Variants in KCNAB2 observed in about 807,000 individuals in gnomAD.
The protein encoded by KCNAB2 is potassium voltage-gated channel subfamily A regulatory beta subunit 2.
A neutral mutation model predicts 63.6 loss-of-function variants in KCNAB2; 29 were observed. The ratio of observed to expected loss-of-function variants is 0.46; its 90% CI spans 0.34 to 0.62. KCNAB2 has a LOEUF of 0.62. KCNAB2 is among the 20% of genes least tolerant of loss of function. The pLI, the probability that KCNAB2 is intolerant of heterozygous loss-of-function variation, is 0.01. For missense variants in KCNAB2, 359 were observed against 563.9 expected, an observed-to-expected ratio of 0.64 and a Z score of 3.68; for synonymous variants, 222 against 224.2, an observed-to-expected ratio of 0.99 and a Z score of 0.09.
intron 1 of KCNAB2, among the ~76,000 whole-genome samples, chr1:6,017,559 C>A (rs112541257): frequency 6.6e-6 from 1 of 151,896 alleles, no homozygotes; most frequent in African/African-American, 2.4e-5. Context: ...TTTGGGAGGC[C>A]GAGGCAGGCA....
chr1:6,075,991 A>G (rs1465808222), intron 4 of KCNAB2, among the ~76,000 whole-genome samples: 4 of 152,248 alleles, frequency 2.6e-5, no homozygotes, highest in Non-Finnish European at 5.9e-5. Context: ...TCATTTACAC[A>G]TAGTGGCTGC....
chr1:6,040,109 G>C (rs1331649458), intron 1 of KCNAB2, among the ~76,000 whole-genome samples: 2 of 152,150 alleles, frequency 1.3e-5, no homozygotes, highest in East Asian at 1.9e-4. Flanking sequence ...CGATGACCCT[G>C]GGGGACAGCA....
At chr1:6,041,716 G>A (rs1477364901), upstream of KCNAB2, 11 of 887,542 alleles carry the variant, frequency 1.2e-5, no homozygotes, top group Admixed American at 3.7e-5. Context: ...GGGCCCGGGG[G>A]CATGGGACAT....
In KCNAB2 at chr1:6,099,108, C is replaced by T. The variant is rs1250967912; in HGVS notation, c.*534C>T. ...CCACTGGGGGTCTTCCTCCACCTCC[C>T]ACTTTCCAAGGGCTCCAGGAATCTG... On this transcript the variant is annotated 3_prime_UTR_variant, in exon 16 of 16. Coordinates refer to ENST00000378083, the MANE Select transcript of KCNAB2 (RefSeq NM_001199862.2). The T allele has an allele frequency of 6.5e-6, 1 of 153,192 alleles. No homozygotes were observed. The highest frequency in any genetic ancestry group is 1.5e-5 in the Non-Finnish European group (1 of 68,818). 9.5% of individuals were successfully genotyped at this position (153,192 alleles called of 1,614,324 possible).
upstream of KCNAB2, chr1:6,041,459 C>T (rs1660491560): frequency 3.9e-6 from 1 of 257,516 alleles, no homozygotes; most frequent in Non-Finnish European, 7.6e-6. Context: ...CTCTGCACGT[C>T]TGGGTTGGAG....
chr1:6,046,224 C>T (rs1411629679), intron 1 of KCNAB2, 41 bp downstream of exon 1: 4 of 983,274 alleles, frequency 4.1e-6, no homozygotes, highest in Middle Eastern at 5.2e-4. Flanking sequence ...AGTGGAGATG[C>T]CGCTTGGGGG....
chr1:5,993,331 T>G (rs1203815208), intron 1 of KCNAB2, among the ~76,000 whole-genome samples: 1 of 129,666 alleles, frequency 7.7e-6, no homozygotes, highest in East Asian at 2.7e-4. Flanking sequence ...CCCTCCGACC[T>G]CTCCCCGCGG....
intron 5 of KCNAB2, among the ~76,000 whole-genome samples, chr1:6,084,528 A>T (rs1029354612): frequency 6.6e-6 from 1 of 152,246 alleles, no homozygotes; most frequent in African/African-American, 2.4e-5. Flanking sequence ...TTGAAAAAAG[A>T]TACTTGTCCC....
chr1:6,029,587 G>A (rs1570898342), upstream of KCNAB2, among the ~76,000 whole-genome samples: 2 of 152,200 alleles, frequency 1.3e-5, no homozygotes, highest in African/African-American at 2.4e-5. Context: ...ACACCAGGGC[G>A]GGGCACAGGC....
chr1:5,997,220 C>T (rs1656989436), intron 1 of KCNAB2, among the ~76,000 whole-genome samples: 1 of 152,182 alleles, frequency 6.6e-6, no homozygotes, highest in Non-Finnish European at 1.5e-5. Flanking sequence ...CCCAGGAAAA[C>T]CGGAGCAGAG....
At chr1:6,066,544 T>C (rs986608391) in intron 2 of KCNAB2, among the ~76,000 whole-genome samples, 2 of 152,160 alleles carry the variant, frequency 1.3e-5, no homozygotes, top group African/African-American at 4.8e-5. Flanking sequence ...GCCTCTGTTT[T>C]CTTTCTGAGG....
chr1:6,095,587 A>G lies in KCNAB2; in HGVS notation c.911A>G (p.Asp304Gly). 6.2e-7 allele frequency: 1 copy of G among 1,613,344 alleles called. No individual in the cohort carries two copies. Among genetic ancestry groups the G allele is most frequent in the Non-Finnish European group, 8.5e-7 (1 of 1,179,980 alleles). Residue 304 changes from aspartate (D) to glycine (G), a missense_variant, in exon 13 of 16, where the codon GAC (aspartate) becomes GGC (glycine). Around this residue, in one of 2 missense-constraint regions of KCNAB2, gnomAD observed 271 missense variants for 476.1 expected, o/e 0.57. Transcript: ENST00000378083. ...TGTGGCATTGTTTCTGGCAAGTACGACAGTGGCATCCCACCCTACTCAAGA... is the reference window on the plus strand; with the variant it reads ...TGTGGCATTGTTTCTGGCAAGTACGGCAGTGGCATCCCACCCTACTCAAGA... ...LACGIVSGKYDSGIPPYSRAS... is the reference protein window; with the variant it reads ...LACGIVSGKYGSGIPPYSRAS...
chr1:6,099,774 G>A lies in KCNAB2; in HGVS notation c.*1200G>A, dbSNP rs1308057749. ...CAGGGAACCTCTCCCTGGAAAGACG[G>A]GCAGGGCTGGTTAGCCCCTCCCACT... On this transcript the variant is annotated 3_prime_UTR_variant, in exon 16 of 16. Coordinates refer to ENST00000378083, the MANE Select transcript of KCNAB2 (RefSeq NM_001199862.2). 1 of 1,474,474 alleles carries A rather than the reference G, an allele frequency of 6.8e-7. No individual in the cohort carries two copies. The highest frequency in any genetic ancestry group is 9.0e-7 in the Non-Finnish European group (1 of 1,110,848). 91.3% of individuals were successfully genotyped at this position (1,474,474 alleles called of 1,614,324 possible).
Position 6,086,281 on chromosome 1 carries a change from T to C in KCNAB2, c.425+1033T>C. The C allele has an allele frequency of 1.0e-6, 1 of 976,752 alleles. No homozygotes were observed. Among genetic ancestry groups the C allele is most frequent in the Non-Finnish European group, 1.2e-6 (1 of 823,258 alleles). The allele number at this position is 976,752 out of a possible 1,614,324, so 60.5% of individuals were successfully genotyped here. A position where few individuals can be genotyped will look rare whatever the true frequency, so the allele number is the denominator to read the frequency against. ...CATGGATTCCTGACACCCCTTCCTC[T>C]TGTCCCATCAAATTTGTTTTTTGGC... On this transcript the variant is annotated intron_variant, in intron 6 of 15. Coordinates refer to ENST00000378083, the MANE Select transcript of KCNAB2 (RefSeq NM_001199862.2). The surrounding 1 kb of genome is among the most constrained non-coding windows in gnomAD (Gnocchi z 4.2).
rs376017601 is a variant in KCNAB2, at chr1:6,028,272, G to A, written c.-52-12245G>A. ...GTGTAAGTGCCCTTCTGTGTCATGC[G>A]GTTTTGAGCAGTTATACCTCTTCCT... On this transcript the variant is annotated intron_variant, in intron 1 of 16. Transcript: ENST00000341524. This position sits in a 1 kb window ranked among gnomAD's most constrained non-coding sequence, Gnocchi z 4.0. Among the ~76,000 whole-genome samples, 2 of 152,204 alleles carry A rather than the reference G, an allele frequency of 1.3e-5. No individual in the cohort carries two copies. Among genetic ancestry groups the A allele is most frequent in the Non-Finnish European group, 2.9e-5 (2 of 68,038 alleles).
At chr1:6,031,888 CAAAA>C (rs1321464806), upstream of KCNAB2, among the ~76,000 whole-genome samples, 1 of 151,700 alleles carries the variant, frequency 6.6e-6, no homozygotes, top group African/African-American at 2.4e-5. This position sits in a 1 kb window ranked among gnomAD's most constrained non-coding sequence, Gnocchi z 4.1. Flanking sequence ...GACCCTGTCT[CAAAA>C]AAAGAAAGAA....
intron 1 of KCNAB2, among the ~76,000 whole-genome samples, chr1:6,022,290 T>A (rs1658889300): frequency 6.6e-6 from 1 of 152,046 alleles, no homozygotes; most frequent in African/African-American, 2.4e-5. Context: ...AGTGTACAGT[T>A]CAGTGGTACT....
In KCNAB2 at chr1:6,087,606, G is replaced by A; in HGVS notation, c.470+95G>A. 7.5e-7 allele frequency: 1 copy of A among 1,328,830 alleles called. No individual in the cohort carries two copies. The highest frequency in any genetic ancestry group is 2.3e-5 in the East Asian group (1 of 42,884). 82.3% of individuals were successfully genotyped at this position (1,328,830 alleles called of 1,614,324 possible). A position where few individuals can be genotyped will look rare whatever the true frequency, so the allele number is the denominator to read the frequency against. On this transcript the variant is annotated intron_variant, in intron 7 of 15. Coordinates refer to ENST00000378083, the MANE Select transcript of KCNAB2 (RefSeq NM_001199862.2). The surrounding 1 kb of genome is among the most constrained non-coding windows in gnomAD (Gnocchi z 6.4). The stretch of plus-strand genomic sequence containing the variant: ...CCTGACCTAGAAGGCTCCTGGGGTG[G>A]CGGGAGGACAGTCCTCCTTGAGAAG...
At chr1:6,005,027 G>C (rs1487753474) in intron 1 of KCNAB2, among the ~76,000 whole-genome samples, 3 of 106,310 alleles carry the variant, frequency 2.8e-5, no homozygotes, top group Admixed American at 2.8e-4. Flanking sequence ...GGGTGGAGTA[G>C]GGGGACGCGG....
Sources: allele counts gnomAD v4.1 joint callset (sites outside exome capture counted in the v4.1 genomes callset), GRCh38; gene constraint gnomAD v4.1.1; regional missense constraint gnomAD v4.1.1; non-coding constraint Gnocchi (gnomAD v3.1); transcripts MANE v1.5; gene names NCBI Gene and HGNC (gene_info 2026-07-23, HGNC 2026-07-21).